PLK4: variants seen among roughly 807,000 people sequenced by gnomAD.
PLK4 encodes polo like kinase 4.
PLK4 carries 51 observed loss-of-function variants against 103.0 expected under a neutral mutation model. The observed-to-expected ratio is 0.50, with a 90% CI of 0.40 to 0.63. The LOEUF (loss-of-function observed/expected upper bound fraction) is 0.63. Ranked by LOEUF, PLK4 falls within the 20% of genes least tolerant of loss-of-function variation. PLK4 has a pLI of 0.00. For synonymous variants in PLK4, 389 were observed against 376.8 expected (o/e 1.03, Z -0.38); for missense variants, 1,054 against 1,151.0 (o/e 0.92, Z 1.22).
chr4:127,891,798 CATATT>C (rs1250615047), intron 9 of PLK4, 117 bp downstream of exon 9: 1 of 395,578 alleles, frequency 2.5e-6, no homozygotes, highest in African/African-American at 2.1e-5. Flanking sequence ...TAGGTCATAT[CATATT>C]CTTGTACTTT....
chr4:127,881,459 G>A (rs553153152), intron 1 of PLK4: 51 of 1,224,844 alleles, frequency 4.2e-5, no homozygotes, highest in Non-Finnish European at 5.3e-5. Flanking sequence ...AGCAGGGCAG[G>A]GCTACCTCCC....
At position 127,881,010 on chromosome 4, in the gene PLK4, C is replaced by A; in HGVS notation, c.-125C>A. ...CTTTCCGTGGTTTCAGCGTCGTCGCCTGGAGCGGCGGTTTAGAGAGCCGAG... is the reference window on the plus strand; with the variant it reads ...CTTTCCGTGGTTTCAGCGTCGTCGCATGGAGCGGCGGTTTAGAGAGCCGAG... On this transcript the variant is annotated 5_prime_UTR_variant, in exon 1 of 16. It adds an upstream start codon to the 5' untranslated region. Coordinates refer to ENST00000270861, the MANE Select transcript of PLK4 (RefSeq NM_014264.5). The A allele has an allele frequency of 9.1e-7, 1 of 1,099,028 alleles. No homozygotes were observed. The highest frequency in any genetic ancestry group is 2.0e-5 in the Admixed American group (1 of 48,928). 68.1% of individuals were successfully genotyped at this position (1,099,028 alleles called of 1,614,324 possible). A position where few individuals can be genotyped will look rare whatever the true frequency, so the allele number is the denominator to read the frequency against.
At chr4:127,888,207 A>AAAAAAAAAAC (rs1394747854) in intron 6 of PLK4, among the ~76,000 whole-genome samples, 2 of 142,088 alleles carry the variant, frequency 1.4e-5, no homozygotes, top group Non-Finnish European at 3.1e-5. Flanking sequence ...AAAAAAAAAA[A>AAAAAAAAAAC]AAAAAGCATT....
At chr4:127,895,235 T>G in intron 14 of PLK4, 142 bp downstream of exon 14, 1 of 541,220 alleles carries the variant, frequency 1.8e-6, no homozygotes, top group Middle Eastern at 5.3e-4. Context: ...ACATTGGTTA[T>G]ATCATTAAAA....
Position 127,885,766 on chromosome 4 carries a change from A to T in PLK4, c.396A>T (p.Ile132=). 1 of 1,613,328 alleles carries T rather than the reference A, an allele frequency of 6.2e-7. No individual in the cohort carries two copies. The highest frequency in any genetic ancestry group is 8.5e-7 in the Non-Finnish European group (1 of 1,179,314). ...TGTTGTATCTTCATTCTCATGGTAT[A>T]CTACACCGGGACCTCACACTTTCTA... The part of the protein sequence containing the change: ...TGMLYLHSHG[I]LHRDLTLSNL... The change falls in exon 5 of 16, where the codon ATA becomes ATT. Residue 132 remains isoleucine, a synonymous_variant. Transcript: ENST00000270861.
chr4:127,890,072 A>T lies in PLK4; in HGVS notation c.1666A>T (p.Ile556Phe). 3 of 1,614,062 alleles carry T rather than the reference A, an allele frequency of 1.9e-6. No individual in the cohort carries two copies. The highest frequency in any genetic ancestry group is 2.2e-5 in the South Asian group (2 of 91,080). Reference protein sequence around the residue: ...MTALHSKPEIIQQECVFGSDP... With the variant: ...MTALHSKPEIFQQECVFGSDP... ...TGCACTTCACAGTAAACCTGAGATAATCCAACAAGAATGTGTTTTTGGCTC... is the reference window on the plus strand; with the variant it reads ...TGCACTTCACAGTAAACCTGAGATATTCCAACAAGAATGTGTTTTTGGCTC... Residue 556 changes from isoleucine (I) to phenylalanine (F), a missense_variant, in exon 7 of 16, where the codon ATC becomes TTC. This residue lies in a region of PLK4 where 680 missense variants were observed against 660.3 expected (regional missense o/e 1.03). Transcript: ENST00000270861.
chr4:127,881,500 G>A (rs1394208849), intron 1 of PLK4: 6 of 911,862 alleles, frequency 6.6e-6, no homozygotes, highest in Non-Finnish European at 9.3e-6. Flanking sequence ...GTTATCTCCG[G>A]CGGGAGCTGC....
chr4:127,889,888 A>C lies in PLK4; in HGVS notation c.1482A>C (p.Glu494Asp). The change falls in exon 7 of 16, where the codon GAA (glutamate) becomes GAC (aspartate). Residue 494 changes from glutamate (E) to aspartate (D), a missense_variant. Physicochemically the swap from Glu to Asp is conservative, Grantham distance 45. Coordinates refer to ENST00000270861, the MANE Select transcript of PLK4 (RefSeq NM_014264.5). ...TAGCTCATTTAAGAAAAACTACTGA[A>C]TATGACAGCATCAGCCCAAACCGGG... ...QINAHLRKTT[E>D]YDSISPNRDF... 1 of 1,606,160 alleles carries C rather than the reference A, an allele frequency of 6.2e-7. No homozygotes were observed. The highest frequency in any genetic ancestry group is 8.5e-7 in the Non-Finnish European group (1 of 1,177,170).
chr4:127,885,540 C>A (rs990700199), intron 4 of PLK4, among the ~76,000 whole-genome samples, 168 bp from the exon 5 acceptor site: 6 of 150,682 alleles, frequency 4.0e-5, no homozygotes, highest in Non-Finnish European at 8.9e-5. Flanking sequence ...TGGTACCACT[C>A]TGATAATTGC....
intron 13 of PLK4, 78 bp from the exon 14 acceptor site, chr4:127,894,875 C>A: frequency 1.1e-6 from 1 of 949,246 alleles, no homozygotes; most frequent in Non-Finnish European, 1.5e-6. Flanking sequence ...TGAAAAATCT[C>A]ATAATTGTCT....
chr4:127,888,886 A>G (rs748058502), intron 6 of PLK4, among the ~76,000 whole-genome samples: 9 of 152,122 alleles, frequency 5.9e-5, no homozygotes, highest in Non-Finnish European at 8.8e-5. Flanking sequence ...TTTAATGTAT[A>G]TTATTCTCAG....
In PLK4 at chr4:127,896,890, A is replaced by G; in HGVS notation, c.2793A>G (p.Pro931=). Residue 931 remains proline, a synonymous_variant, in exon 15 of 16, where the codon CCA becomes CCG. Coordinates refer to ENST00000270861, the MANE Select transcript of PLK4 (RefSeq NM_014264.5). Reference sequence around the variant, plus strand: ...TGTCTTCTATCAGTTATACCTCACCAAATGGTCAAACAACTAGGTAAGTTC... The same window carrying G: ...TGTCTTCTATCAGTTATACCTCACCGAATGGTCAAACAACTAGGTAAGTTC... ...AGVSSISYTS[P]NGQTTRYGEN... is the part of the protein sequence containing the mutation. 1 of 1,599,520 alleles carries G rather than the reference A, an allele frequency of 6.3e-7. No homozygotes were observed. Among genetic ancestry groups the G allele is most frequent in the East Asian group, 2.2e-5 (1 of 44,742 alleles).
At chr4:127,883,636 A>G (rs1735014055) in intron 4 of PLK4, 83 bp downstream of exon 4, 1 of 623,600 alleles carries the variant, frequency 1.6e-6, no homozygotes, top group Non-Finnish European at 2.9e-6. Flanking sequence ...GGAATATGCT[A>G]TTTTATAATA....
At chr4:127,885,195 A>G (rs1180417146) in intron 4 of PLK4, among the ~76,000 whole-genome samples, 2 of 152,004 alleles carry the variant, frequency 1.3e-5, no homozygotes, top group Admixed American at 1.3e-4. Context: ...GGTTAATATG[A>G]TAGGCCAGGC....
At chr4:127,885,128 A>G (rs899532598) in intron 4 of PLK4, among the ~76,000 whole-genome samples, 1 of 152,134 alleles carries the variant, frequency 6.6e-6, no homozygotes, top group Non-Finnish European at 1.5e-5. Flanking sequence ...AACTGCATGT[A>G]AAACGCTCAT....
At chr4:127,898,074 A>G (rs960426055) in intron 15 of PLK4, among the ~76,000 whole-genome samples, 11 of 151,674 alleles carry the variant, frequency 7.3e-5, no homozygotes, top group Non-Finnish European at 8.8e-5. Flanking sequence ...CTGACCTCGT[A>G]ATCCACCCCC....
At position 127,895,103 on chromosome 4, in the gene PLK4, T is replaced by C; in HGVS notation, c.2703+10T>C. On this transcript the variant is annotated intron_variant, in intron 14 of 15. Coordinates refer to ENST00000270861, the MANE Select transcript of PLK4 (RefSeq NM_014264.5). ...TGGTTGGGCTACACAGGTGAGAAGT[T>C]TCTAGTACAGTGCATTTTCTCAGTA... 6.4e-7 allele frequency: 1 copy of C among 1,573,168 alleles called. No homozygotes were observed. The highest frequency in any genetic ancestry group is 8.6e-7 in the Non-Finnish European group (1 of 1,160,436).
chr4:127,895,582 G>A (rs908097524), intron 14 of PLK4, among the ~76,000 whole-genome samples: 5 of 146,324 alleles, frequency 3.4e-5, no homozygotes, highest in South Asian at 2.2e-4. Context: ...CTGCCAAGCC[G>A]GGCTAATTTT....
rs781315361 is a variant in PLK4 at position 127,886,688 on chromosome 4, A to T, written c.1318A>T (p.Ser440Cys). 6.2e-7 allele frequency: 1 copy of T among 1,610,198 alleles called. No homozygotes were observed. The highest frequency in any genetic ancestry group is 1.7e-5 in the Admixed American group (1 of 59,230). ...FNFFKEKTSSSSGSFERPDNN... is the reference protein window; with the variant it reads ...FNFFKEKTSSCSGSFERPDNN... ...CTTCTTTAAAGAAAAGACATCCAGT[A>T]GTTCTGGATCTTTTGAAAGACCTGA... Residue 440 changes from serine to cysteine, a missense_variant, in exon 5 of 16, where the codon AGT becomes TGT. This residue lies in a region of PLK4 where 680 missense variants were observed against 660.3 expected (regional missense o/e 1.03). Coordinates refer to ENST00000270861, the MANE Select transcript of PLK4 (RefSeq NM_014264.5).
Sources: allele counts gnomAD v4.1 joint callset (sites outside exome capture counted in the v4.1 genomes callset), GRCh38; gene constraint gnomAD v4.1.1; regional missense constraint gnomAD v4.1.1; transcripts MANE v1.5; gene names NCBI Gene and HGNC (gene_info 2026-07-23, HGNC 2026-07-21).